The following EEF1G variants were observed in gnomAD, a reference collection of about 807,000 sequenced individuals.
EEF1G encodes eukaryotic translation elongation factor 1 gamma, also known as elongation factor 1-gamma.
In EEF1G, 14 loss-of-function variants were observed where a neutral mutation model predicts 58.3. That is an observed-to-expected ratio of 0.24 (90% CI 0.16 to 0.38). The LOEUF is 0.38. Among genes scored for constraint, EEF1G ranks in the 10% least tolerant of loss-of-function variants. EEF1G has a pLI of 1.00. For missense variants in EEF1G, 322 were observed against 550.1 expected (o/e 0.59, Z 4.15); for synonymous variants, 180 against 206.8 (o/e 0.87, Z 1.11).
At position 62,571,121 on chromosome 11, in the gene EEF1G, CATG is replaced by C. The variant is rs1250178967; in HGVS notation, c.379-16_379-14del. On this transcript the variant is annotated splice_polypyrimidine_tract_variant and intron_variant, in intron 4 of 9. Coordinates refer to ENST00000329251, the MANE Select transcript of EEF1G (RefSeq NM_001404.5). ...CATTCTCAGTGGCCTAGTGATTCAA[CATG>C]ATAAAACTCATCAGTGGGTACCAAT... 6.2e-7 allele frequency: 1 copy of C among 1,613,786 alleles called. No homozygotes were observed. The highest frequency in any genetic ancestry group is 8.5e-7 in the Non-Finnish European group (1 of 1,179,884).
At chr11:62,568,248 C>T (rs1941581276) in intron 5 of EEF1G, among the ~76,000 whole-genome samples, 2 of 149,798 alleles carry the variant, frequency 1.3e-5, no homozygotes, top group South Asian at 2.1e-4. Context: ...ATTAGCTGGG[C>T]GTGGTGGCAC....
intron 1 of EEF1G, chr11:62,573,404 C>T (rs1941661795): frequency 4.5e-6 from 1 of 221,628 alleles, no homozygotes; most frequent in African/African-American, 2.3e-5. Flanking sequence ...TCCGGAGAAT[C>T]CTCTCGCTCC....
At chr11:62,569,029 TA>T (rs1443720226) in intron 5 of EEF1G, among the ~76,000 whole-genome samples, 1 of 150,708 alleles carries the variant, frequency 6.6e-6, no homozygotes, top group Non-Finnish European at 1.5e-5. Context: ...TTTTGCCAAA[TA>T]AAATCTAAAC....
intron 1 of EEF1G, 74 bp from the exon 2 acceptor site, chr11:62,572,816 T>A: frequency 7.1e-7 from 1 of 1,413,708 alleles, no homozygotes; most frequent in Non-Finnish European, 9.7e-7. Context: ...CCAGGATGAC[T>A]TTCCTGAATA....
chr11:62,566,889 A>T lies in EEF1G; in HGVS notation c.774T>A (p.Ala258=), dbSNP rs1384851511. 16 of 1,613,492 alleles carry T rather than the reference A, an allele frequency of 9.9e-6. No homozygotes were observed. Among genetic ancestry groups the T allele is most frequent in the Non-Finnish European group, 1.3e-5 (15 of 1,179,848 alleles). The part of the protein sequence containing the change: ...RKEEKKAAAP[A]PEEEMDECEQ... ...CACATTCATCCATCTCCTCCTCAGG[A>T]GCAGGGGCAGCCGCCTTTTTCTCCT... Residue 258 remains alanine (A), a synonymous_variant, in exon 7 of 10, where the codon GCT becomes GCA. Transcript: ENST00000329251.
At chr11:62,565,946 T>A (rs1341604563) in intron 7 of EEF1G, among the ~76,000 whole-genome samples, 1 of 152,134 alleles carries the variant, frequency 6.6e-6, no homozygotes. Context: ...GGGTGAAATG[T>A]AAACCCTAGC....
intron 1 of EEF1G, 168 bp downstream of exon 1, chr11:62,573,663 C>T: frequency 3.1e-6 from 3 of 954,840 alleles, no homozygotes; most frequent in Non-Finnish European, 4.8e-6. Flanking sequence ...GCCCCAGCCT[C>T]AGTTCCCCTC....
Position 62,571,127 on chromosome 11 carries a change from A to G in EEF1G, c.379-19T>C, listed in dbSNP as rs1254893159. The G allele has an allele frequency of 6.2e-7, 1 of 1,613,604 alleles. No homozygotes were observed. The highest frequency in any genetic ancestry group is 1.3e-5 in the African/African-American group (1 of 75,002). ...CAGTGGCCTAGTGATTCAACATGAT[A>G]AAACTCATCAGTGGGTACCAATCCC... On this transcript the variant is annotated intron_variant, in intron 4 of 9. Coordinates refer to ENST00000329251, the MANE Select transcript of EEF1G (RefSeq NM_001404.5).
At chr11:62,561,664 AAAAAAAC>A (rs1386132193) in intron 7 of EEF1G, among the ~76,000 whole-genome samples, 3 of 71,888 alleles carry the variant, frequency 4.2e-5, no homozygotes, top group African/African-American at 8.4e-5. Flanking sequence ...CCGTCTCAAA[AAAAAAAC>A]AAAAAAAAAA....
Position 62,563,716 on chromosome 11 carries a change from T to C in EEF1G, c.857+3090A>G, listed in dbSNP as rs562566963. On this transcript the variant is annotated intron_variant, in intron 7 of 9. Transcript: ENST00000329251. ...GTATTCCAATTTCACTCAATCCTTA[T>C]AACCCATGAGTTATCAACTGTTACC... Among the ~76,000 whole-genome samples, 57 of 152,354 alleles carry C rather than the reference T, an allele frequency of 3.7e-4. 1 individual carries two copies. The highest frequency in any genetic ancestry group is 6.8e-3 in the Middle Eastern group (2 of 294).
At chr11:62,570,914 G>A in intron 5 of EEF1G, 51 bp downstream of exon 5, 5 of 1,610,814 alleles carry the variant, frequency 3.1e-6, no homozygotes, top group Non-Finnish European at 4.2e-6. Context: ...TCGTCACTTT[G>A]TTTCTAATCC....
chr11:62,571,563 C>G lies in EEF1G; in HGVS notation c.355G>C (p.Gly119Arg). 6.3e-7 allele frequency: 1 copy of G among 1,595,446 alleles called. No individual in the cohort carries two copies. Among genetic ancestry groups the G allele is most frequent in the Non-Finnish European group, 8.5e-7 (1 of 1,170,582 alleles). ...ACCTGTTTGTTGTGGTGCATGATGCCCAAGGTGGGGAACACCCAGGTACTG... is the reference window on the plus strand; with the variant it reads ...ACCTGTTTGTTGTGGTGCATGATGCGCAAGGTGGGGAACACCCAGGTACTG... Reference protein sequence around the residue: ...PASTWVFPTLGIMHHNKQATE... With the variant: ...PASTWVFPTLRIMHHNKQATE... Residue 119 changes from glycine to arginine, a missense_variant, in exon 4 of 10, where the codon GGC (glycine) becomes CGC (arginine). By Grantham distance (125) the Gly-to-Arg change is moderately radical (BLOSUM62 -2). This residue lies in a region of EEF1G where 52 missense variants were observed against 139.4 expected (regional missense o/e 0.37). Transcript: ENST00000329251.
intron 7 of EEF1G, among the ~76,000 whole-genome samples, chr11:62,563,150 G>A (rs190361338): frequency 1.6e-3 from 238 of 151,420 alleles, no homozygotes; most frequent in African/African-American, 5.5e-3. Flanking sequence ...TCCTTGAGAC[G>A]GAGTCTAGCT....
chr11:62,567,261 T>C (rs545340547), intron 6 of EEF1G, 138 bp downstream of exon 6: 37 of 1,209,636 alleles, frequency 3.1e-5, no homozygotes, highest in South Asian at 4.8e-5. Context: ...AAACTGCACA[T>C]AATATTAGCT....
chr11:62,560,215 T>A (rs756230318), intron 8 of EEF1G, 22 bp from the exon 9 acceptor site: 2 of 1,613,896 alleles, frequency 1.2e-6, no homozygotes, highest in African/African-American at 2.7e-5. Context: ...AGGGAGAACA[T>A]TCAGCCTTTG....
intron 1 of EEF1G, chr11:62,573,488 C>T (rs535099322): frequency 5.2e-4 from 231 of 441,450 alleles, no homozygotes; most frequent in Non-Finnish European, 8.7e-4. Context: ...TTCAACCTGT[C>T]CCCTGTGTTA....
Position 62,572,518 on chromosome 11 carries a change from A to G in EEF1G, c.171+66T>C. ...CCTTTTAGAGATGGGGGCCACCACC[A>G]GAGTGACAGAATCGCAGGGCCTTGG... On this transcript the variant is annotated intron_variant, in intron 2 of 9. Transcript: ENST00000329251. 3 of 1,592,360 alleles carry G rather than the reference A, an allele frequency of 1.9e-6. No individual in the cohort carries two copies. The South Asian group carries it at 3.4e-5, about 18-fold the overall frequency.
intron 1 of EEF1G, chr11:62,573,586 C>T: frequency 3.3e-6 from 2 of 602,754 alleles, no homozygotes; most frequent in Non-Finnish European, 5.8e-6. Context: ...TCTCAGGCTT[C>T]GGACGGCCCA....
chr11:62,569,106 C>CA (rs1941594035), intron 5 of EEF1G, among the ~76,000 whole-genome samples: 2 of 152,188 alleles, frequency 1.3e-5, no homozygotes, highest in South Asian at 2.1e-4. Flanking sequence ...CACACACCCC[C>CA]CACACCCACC....
Sources: allele counts gnomAD v4.1 joint callset (sites outside exome capture counted in the v4.1 genomes callset), GRCh38; gene constraint gnomAD v4.1.1; regional missense constraint gnomAD v4.1.1; transcripts MANE v1.5; gene names NCBI Gene and HGNC (gene_info 2026-07-23, HGNC 2026-07-21).